PITRM1: variants seen among roughly 807,000 people sequenced by gnomAD.
The protein encoded by PITRM1 is presequence protease, mitochondrial.
Under a neutral mutation model 129.9 loss-of-function variants are expected in PITRM1, and 100 were observed. The ratio of observed to expected loss-of-function variants is 0.77; its 90% CI spans 0.65 to 0.91. The LOEUF is 0.91. Ranked by LOEUF, PITRM1 falls within the 40% of genes least tolerant of loss-of-function variation. The pLI is 0.00. For synonymous variants in PITRM1, 591 were observed against 508.8 expected (o/e 1.16, Z -2.17); for missense variants, 1,471 against 1,318.3 (o/e 1.12, Z -1.79).
At chr10:3,158,763 C>T (rs1302970167) in intron 10 of PITRM1, 151 bp downstream of exon 10, 1 of 696,814 alleles carries the variant, frequency 1.4e-6, no homozygotes, top group African/African-American at 1.8e-5. Context: ...TCAGCAACTT[C>T]CTGGTCCGCC....
rs773489734 is a variant in PITRM1, at chr10:3,139,092, G to A, written c.2772-43C>T. ...ATAAACGGGCAAGCATTTTACCAGTGGACAAGTTTATGACAAACCTCTGTC... is the reference window on the plus strand; with the variant it reads ...ATAAACGGGCAAGCATTTTACCAGTAGACAAGTTTATGACAAACCTCTGTC... On this transcript the variant is annotated intron_variant, in intron 24 of 26. Coordinates refer to ENST00000224949, the MANE Select transcript of PITRM1 (RefSeq NM_014889.4). 13 of 1,561,594 alleles carry A rather than the reference G, an allele frequency of 8.3e-6. No homozygotes were observed. The Admixed American group carries it at 1.2e-4, about 14-fold the overall frequency.
intron 25 of PITRM1, 93 bp from the exon 26 acceptor site, chr10:3,138,430 C>CA: frequency 1.2e-6 from 1 of 823,758 alleles, no homozygotes; most frequent in Non-Finnish European, 2.1e-6. Flanking sequence ...ACAGGCATCT[C>CA]ACTGTCATTT....
Position 3,158,032 on chromosome 10 carries a change from A to T in PITRM1, c.1250+8T>A. Reference sequence around the variant, plus strand: ...GAAAGCAGATTGTTACAAACAAGCTACACTCACTCAACTACTTCATCAATC... The same window carrying T: ...GAAAGCAGATTGTTACAAACAAGCTTCACTCACTCAACTACTTCATCAATC... On this transcript the variant is annotated splice_region_variant and intron_variant, in intron 11 of 26. Transcript: ENST00000224949. The T allele has an allele frequency of 6.6e-7, 1 of 1,511,688 alleles. No homozygotes were observed. Among genetic ancestry groups the T allele is most frequent in the Non-Finnish European group, 9.2e-7 (1 of 1,085,808 alleles). 93.6% of individuals were successfully genotyped at this position (1,511,688 alleles called of 1,614,324 possible).
chr10:3,171,147 TAAAAAAAAAAAAAAAA>T (rs1169315061), intron 1 of PITRM1, among the ~76,000 whole-genome samples: 755 of 49,186 alleles, frequency 0.015, 17 homozygotes, highest in African/African-American at 0.057. Flanking sequence ...ATCGTTCAAT[TAAAAAAAAAAAAAAAA>T]AAAAAAAAAA....
intron 14 of PITRM1, 118 bp downstream of exon 14, chr10:3,155,473 C>T (rs528548631): frequency 5.4e-5 from 69 of 1,269,918 alleles, no homozygotes; most frequent in Admixed American, 2.2e-4. Flanking sequence ...GCTCTGTTGG[C>T]GCCCAGCGGA....
chr10:3,148,476 C>T lies in PITRM1; in HGVS notation c.1872-185G>A, dbSNP rs1841151962. On this transcript the variant is annotated intron_variant, in intron 16 of 26. Transcript: ENST00000224949. ...CCTTCGCCCTCGAGAGTTCATGTGC[C>T]CCCTTCCCCAGGGAGACCCCAGTTT... 12 of 650,950 alleles carry T rather than the reference C, an allele frequency of 1.8e-5. No homozygotes were observed. In the South Asian group the frequency reaches 2.5e-4, roughly 14 times the overall value. The allele number at this position is 650,950 out of a possible 1,614,324, so 40.3% of individuals were successfully genotyped here.
chr10:3,157,126 GC>G, intron 12 of PITRM1, 62 bp from the exon 13 acceptor site: 1 of 1,438,916 alleles, frequency 6.9e-7, no homozygotes, highest in Non-Finnish European at 9.4e-7. Flanking sequence ...TCCACCAACA[GC>G]CCAGACTTGA....
Position 3,148,213 on chromosome 10 carries a change from G to A in PITRM1, c.1950C>T (p.Pro650=), listed in dbSNP as rs763678558. The part of the protein sequence containing the change: ...ELKTGGMSAS[P]HVLPDDSHMD... ...TGTGTGAGTCGTCGGGGAGCACGTG[G>A]GGAGAAGCACTCATCCCTCCGGTCT... Residue 650 remains proline (P), a synonymous_variant, in exon 17 of 27, where the codon CCC becomes CCT. Coordinates refer to ENST00000224949, the MANE Select transcript of PITRM1 (RefSeq NM_014889.4). 23 of 1,613,902 alleles carry A rather than the reference G, an allele frequency of 1.4e-5. No homozygotes were observed. Among genetic ancestry groups the A allele is most frequent in the Admixed American group, 3.3e-5 (2 of 60,002 alleles).
chr10:3,144,405 G>A (rs1057137260), intron 21 of PITRM1, 39 bp from the exon 22 acceptor site: 2 of 1,224,436 alleles, frequency 1.6e-6, no homozygotes, highest in Admixed American at 2.1e-5. Context: ...GAAAAATCCA[G>A]AACTCACTTG....
intron 16 of PITRM1, chr10:3,149,046 T>A (rs1479966822): frequency 6.6e-6 from 1 of 152,424 alleles, no homozygotes; most frequent in Non-Finnish European, 1.5e-5. Context: ...GGTTGGGCAG[T>A]GGTCCCTGAA....
intron 15 of PITRM1, 147 bp downstream of exon 15, chr10:3,151,100 C>T (rs17287235): frequency 3.1e-5 from 20 of 635,386 alleles, no homozygotes; most frequent in Middle Eastern, 2.7e-4. Context: ...GCAGAAGAAT[C>T]GTGTAGAGCG....
At chr10:3,149,788 G>A in intron 15 of PITRM1, 35 bp from the exon 16 acceptor site, 1 of 1,610,462 alleles carries the variant, frequency 6.2e-7, no homozygotes, top group East Asian at 2.2e-5. Context: ...TTTTATTGCT[G>A]CCAGTAAAAT....
Position 3,155,615 on chromosome 10 carries a change from C to T in PITRM1, c.1597G>A (p.Asp533Asn), listed in dbSNP as rs1447724083. ...CCTTTCTCGTAGATCTGCTGCCTGT[C>T]TCCGGGGGACAGAGCCTCGACCTTC... ...KQKVEALSPG[D>N]RQQIYEKGLE... Residue 533 changes from aspartate (D) to asparagine (N), a missense_variant, in exon 14 of 27, where the codon GAC becomes AAC. Transcript: ENST00000224949. 6.2e-7 allele frequency: 1 copy of T among 1,613,952 alleles called. No homozygotes were observed. Among genetic ancestry groups the T allele is most frequent in the African/African-American group, 1.3e-5 (1 of 75,038 alleles).
intron 22 of PITRM1, chr10:3,143,997 C>T (rs577496985): frequency 1.5e-5 from 8 of 549,082 alleles, no homozygotes; most frequent in Non-Finnish European, 2.3e-5. Context: ...GTGAGTTGCC[C>T]GGGAGGAGAC....
chr10:3,139,753 C>CCCAGGCT (rs1459001884), intron 24 of PITRM1, among the ~76,000 whole-genome samples: 16 of 152,362 alleles, frequency 1.1e-4, no homozygotes, highest in African/African-American at 3.6e-4. Flanking sequence ...TTTCAACCTC[C>CCCAGGCT]CCAGGCTCAA....
At chr10:3,143,846 TATATC>T (rs1160565743) in intron 22 of PITRM1, 13 of 564,388 alleles carry the variant, frequency 2.3e-5, no homozygotes, top group Non-Finnish European at 4.4e-5. Context: ...CATATCATAT[TATATC>T]ATAGGAATGT....
At chr10:3,162,585 G>A (rs1842542069) in intron 7 of PITRM1, among the ~76,000 whole-genome samples, 1 of 152,198 alleles carries the variant, frequency 6.6e-6, no homozygotes, top group African/African-American at 2.4e-5. Flanking sequence ...CCCCAGTGGA[G>A]GCGAGCAGAC....
chr10:3,143,830 A>G, intron 22 of PITRM1: 1 of 585,932 alleles, frequency 1.7e-6, no homozygotes, highest in Non-Finnish European at 3.3e-6. Context: ...TTACATATTT[A>G]TATTTCATAT....
rs758938871 is a variant in PITRM1, at chr10:3,147,684, T to C, written c.2123A>G (p.Gln708Arg). The change falls in exon 19 of 27, where the codon CAG (glutamine) becomes CGG (arginine). Residue 708 changes from glutamine to arginine, a missense_variant. Gln to Arg is a conservative substitution (Grantham distance 43). Coordinates refer to ENST00000224949, the MANE Select transcript of PITRM1 (RefSeq NM_014889.4). ...GTCAGGAATTCCATTGGCGAGCTCC[T>C]GGGCGGTCATCTTCACCAGCACCTT... ...HFKVLVKMTA[Q>R]ELANGIPDSG... The C allele has an allele frequency of 6.2e-7, 1 of 1,613,198 alleles. No homozygotes were observed. The highest frequency in any genetic ancestry group is 1.1e-5 in the South Asian group (1 of 90,922).
Sources: gnomAD v4.1 joint callset for allele counts (sites outside exome capture counted in the v4.1 genomes callset) on GRCh38, gnomAD v4.1.1 for gene constraint, MANE v1.5 for transcripts, NCBI Gene and HGNC (gene_info 2026-07-23, HGNC 2026-07-21) for gene names.